Variants in SLC15A1 observed in about 807,000 individuals in gnomAD.
The protein encoded by SLC15A1 is Caco-2 oligopeptide transporter.
Under a neutral mutation model 92.9 loss-of-function variants are expected in SLC15A1, and 83 were observed. The observed-to-expected ratio is 0.89, with a 90% CI of 0.75 to 1.07. The LOEUF is 1.07. Among genes scored for constraint, SLC15A1 ranks in the 50% least tolerant of loss-of-function variants. The pLI, the probability that SLC15A1 is intolerant of heterozygous loss-of-function variation, is 0.00. For missense variants in SLC15A1, 857 were observed against 880.1 expected (o/e 0.97, Z 0.33); for synonymous variants, 322 against 318.2 (o/e 1.01, Z -0.13).
At chr13:98,691,667 T>A (rs1179761292) in intron 18 of SLC15A1, among the ~76,000 whole-genome samples, 1 of 152,226 alleles carries the variant, frequency 6.6e-6, no homozygotes, top group East Asian at 1.9e-4. Context: ...AGGATGCAGA[T>A]TTGCTTCTGA....
At position 98,688,231 on chromosome 13, in the gene SLC15A1, T is replaced by C. The variant is rs763668446; in HGVS notation, c.1683+17A>G. 16 of 1,529,220 alleles carry C rather than the reference T, an allele frequency of 1.0e-5. No homozygotes were observed. The highest frequency in any genetic ancestry group is 9.0e-5 in the East Asian group (4 of 44,374). 94.7% of individuals were successfully genotyped at this position (1,529,220 alleles called of 1,614,324 possible). A position where few individuals can be genotyped will look rare whatever the true frequency, so the allele number is the denominator to read the frequency against. ...AGTATGAGCAGATCTTCTGATACAA[T>C]GAAACGAGTTACTAACCTTCCTTTG... On this transcript the variant is annotated intron_variant, in intron 20 of 22. Coordinates refer to ENST00000376503, the MANE Select transcript of SLC15A1 (RefSeq NM_005073.4).
chr13:98,715,276 G>A (rs1265151312), intron 9 of SLC15A1, among the ~76,000 whole-genome samples: 1 of 152,192 alleles, frequency 6.6e-6, no homozygotes, highest in Non-Finnish European at 1.5e-5. Flanking sequence ...CCAGGTTCAA[G>A]CAATTCTCCT....
In SLC15A1 at chr13:98,709,791, A is replaced by G; in HGVS notation, c.946-17T>C. 1 of 1,614,214 alleles carries G rather than the reference A, an allele frequency of 6.2e-7. No individual in the cohort carries two copies. The highest frequency in any genetic ancestry group is 8.5e-7 in the Non-Finnish European group (1 of 1,180,040). ...AAGAGCTCCCTAAAAAGAGAGGAAA[A>G]CAATCTCAGTGAAAAATGTCATGAA... is the stretch of plus-strand genomic sequence containing the variant. On this transcript the variant is annotated splice_polypyrimidine_tract_variant and intron_variant, in intron 12 of 22. Transcript: ENST00000376503.
intron 1 of SLC15A1, 109 bp from the exon 2 acceptor site, chr13:98,726,968 C>T: frequency 2.1e-6 from 2 of 938,240 alleles, no homozygotes; most frequent in Non-Finnish European, 3.5e-6. Context: ...GGGCCATTCA[C>T]CAAACAGCTC....
intron 15 of SLC15A1, among the ~76,000 whole-genome samples, chr13:98,707,624 T>C (rs1170696613): frequency 5.3e-5 from 8 of 152,140 alleles, no homozygotes; most frequent in Non-Finnish European, 8.8e-5. Flanking sequence ...ATGGTTAATA[T>C]GTGACCGGGC....
intron 1 of SLC15A1, among the ~76,000 whole-genome samples, chr13:98,751,303 C>T (rs1407826963): frequency 1.3e-5 from 2 of 152,202 alleles, no homozygotes; most frequent in African/African-American, 2.4e-5. Context: ...TCAAATCTAA[C>T]TCTGTATTCC....
At chr13:98,720,180 T>G (rs2088245315) in intron 7 of SLC15A1, among the ~76,000 whole-genome samples, 2 of 152,128 alleles carry the variant, frequency 1.3e-5, no homozygotes, top group South Asian at 4.1e-4. Context: ...CAAAAAATAA[T>G]TTTCCCCCTA....
chr13:98,730,458 C>G (rs965443184), intron 1 of SLC15A1, among the ~76,000 whole-genome samples: 4 of 152,180 alleles, frequency 2.6e-5, no homozygotes, highest in Non-Finnish European at 5.9e-5. Flanking sequence ...TGAGACCTGT[C>G]GTGGGATGGG....
chr13:98,743,775 G>C (rs532127077), intron 1 of SLC15A1, among the ~76,000 whole-genome samples: 9 of 152,318 alleles, frequency 5.9e-5, no homozygotes, highest in African/African-American at 2.2e-4. Context: ...TCAGAACTAA[G>C]AGTGAGACTC....
At position 98,684,933 on chromosome 13, in the gene SLC15A1, T is replaced by G. The variant is rs201558706; in HGVS notation, c.1936-18A>C. The G allele has an allele frequency of 5.3e-4, 843 of 1,599,486 alleles. 1 individual carries two copies. Among genetic ancestry groups the G allele is most frequent in the Middle Eastern group, 2.3e-3 (14 of 6,040 alleles). ...TCGGCCCACTTTGAAGAAATCAGAG[T>G]TGGAGCAGGAAAAAGAACAAAAATA... On this transcript the variant is annotated intron_variant, in intron 22 of 22. Transcript: ENST00000376503.
intron 18 of SLC15A1, among the ~76,000 whole-genome samples, chr13:98,689,608 G>T (rs2087959220): frequency 6.6e-6 from 1 of 151,768 alleles, no homozygotes. Context: ...ACAATGCCTG[G>T]CTAATTTTTA....
In SLC15A1 at chr13:98,684,901, A is replaced by C; in HGVS notation, c.1950T>G (p.Ile650Met). The change falls in exon 23 of 23, where the codon ATT (isoleucine) becomes ATG (methionine). Residue 650 changes from isoleucine to methionine, a missense_variant. Coordinates refer to ENST00000376503, the MANE Select transcript of SLC15A1 (RefSeq NM_005073.4). The part of the protein sequence containing the change: ...GQFSKQWAEY[I>M]LFAALLLVVC... Reference sequence around the variant, plus strand: ...CGACCAGAAGCAACGCGGCAAATAGAATGTACTCGGCCCACTTTGAAGAAA... The same window carrying C: ...CGACCAGAAGCAACGCGGCAAATAGCATGTACTCGGCCCACTTTGAAGAAA... 1.9e-6 allele frequency: 3 copies of C among 1,612,776 alleles called. No individual in the cohort carries two copies. Among genetic ancestry groups the C allele is most frequent in the Non-Finnish European group, 2.5e-6 (3 of 1,179,216 alleles).
At chr13:98,727,811 C>T (rs2088315059) in intron 1 of SLC15A1, among the ~76,000 whole-genome samples, 2 of 152,236 alleles carry the variant, frequency 1.3e-5, no homozygotes, top group Non-Finnish European at 2.9e-5. Context: ...CCCCTTCCCC[C>T]TCACTCACCC....
chr13:98,735,734 A>G (rs1027088470), intron 1 of SLC15A1, among the ~76,000 whole-genome samples: 7 of 152,370 alleles, frequency 4.6e-5, no homozygotes, highest in African/African-American at 1.7e-4. Flanking sequence ...GTGAACTCCC[A>G]TTCACAATTG....
In SLC15A1 at chr13:98,696,431, C is replaced by A. The variant is rs566539719; in HGVS notation, c.1466+6049G>T. Among the ~76,000 whole-genome samples the A allele has an allele frequency of 6.0e-5, 9 of 149,186 alleles. No individual in the cohort carries two copies. The South Asian group carries it at 1.1e-3, about 18-fold the overall frequency. On this transcript the variant is annotated intron_variant, in intron 18 of 22. Coordinates refer to ENST00000376503, the MANE Select transcript of SLC15A1 (RefSeq NM_005073.4). ...CCCTCTCAAAACAAAACAACAACAA[C>A]AAAAAAAAACCCAACAACAAAAAAA...
intron 1 of SLC15A1, among the ~76,000 whole-genome samples, chr13:98,745,762 A>G (rs1258526342): frequency 6.6e-6 from 1 of 152,142 alleles, no homozygotes; most frequent in Non-Finnish European, 1.5e-5. Flanking sequence ...CTGTTGTTTC[A>G]AATTCCCCAG....
At chr13:98,719,451 A>C (rs2088237075) in intron 7 of SLC15A1, 131 bp from the exon 8 acceptor site, 2 of 581,906 alleles carry the variant, frequency 3.4e-6, no homozygotes, top group African/African-American at 3.9e-5. Context: ...CATTTGCCTC[A>C]CTGACATAAT....
chr13:98,721,024 C>T, intron 7 of SLC15A1: 4 of 418,170 alleles, frequency 9.6e-6, no homozygotes, highest in East Asian at 7.1e-5. Flanking sequence ...TGCGCTCCAG[C>T]GTGGGTGACA....
chr13:98,726,974 A>AGCTC (rs1303458294), intron 1 of SLC15A1, 115 bp from the exon 2 acceptor site: 1 of 893,008 alleles, frequency 1.1e-6, no homozygotes, highest in African/African-American at 1.7e-5. Context: ...TTCACCAAAC[A>AGCTC]GCTCCAGCCC....
Sources: allele counts gnomAD v4.1 joint callset (sites outside exome capture counted in the v4.1 genomes callset), GRCh38; gene constraint gnomAD v4.1.1; transcripts MANE v1.5; gene names NCBI Gene and HGNC (gene_info 2026-07-23, HGNC 2026-07-21).